SCAPER: variants seen among roughly 807,000 people sequenced by gnomAD.
SCAPER encodes S phase cyclin A-associated protein in the endoplasmic reticulum.
In SCAPER, 98 loss-of-function variants were observed where a neutral mutation model predicts 182.2. The observed-to-expected ratio is 0.54, with a 90% confidence interval of 0.46 to 0.64. The LOEUF (loss-of-function observed/expected upper bound fraction) is 0.64, where lower values mean the gene tolerates loss of function less well. SCAPER is among the 30% of genes least tolerant of loss of function. The probability of loss-of-function intolerance (pLI) is 0.00; values close to 1 mark genes in which losing one functional copy is unlikely to be tolerated. For synonymous variants in SCAPER, 605 were observed against 564.6 expected (o/e 1.07, Z -1.01); for missense variants, 1,432 against 1,690.0 (o/e 0.85, Z 2.68).
chr15:76,657,649 A>G (rs1004197042), intron 21 of SCAPER, among the ~76,000 whole-genome samples: 2 of 151,818 alleles, frequency 1.3e-5, no homozygotes, highest in Admixed American at 1.3e-4. Flanking sequence ...TCATGATGAC[A>G]TGCATACAAA....
At chr15:76,552,859 G>A (rs141159846) in intron 23 of SCAPER, among the ~76,000 whole-genome samples, 64 of 152,146 alleles carry the variant, frequency 4.2e-4, no homozygotes, top group African/African-American at 1.3e-3. Context: ...CATAGCGCTC[G>A]CACTACTTGC....
chr15:76,530,091 A>C (rs1013197994), intron 23 of SCAPER, among the ~76,000 whole-genome samples: 24 of 152,176 alleles, frequency 1.6e-4, no homozygotes, highest in African/African-American at 5.8e-4. Flanking sequence ...TTAGGCATTC[A>C]TATTGCTGGA....
At chr15:76,647,724 T>C (rs915947699) in intron 21 of SCAPER, among the ~76,000 whole-genome samples, 1 of 152,222 alleles carries the variant, frequency 6.6e-6, no homozygotes, top group Non-Finnish European at 1.5e-5. Context: ...ATCCAGGAAC[T>C]GTAAGCTGAA....
intron 27 of SCAPER, among the ~76,000 whole-genome samples, chr15:76,402,611 G>T (rs1422547475): frequency 6.6e-6 from 1 of 152,014 alleles, no homozygotes; most frequent in Non-Finnish European, 1.5e-5. Context: ...TAGACTCTTG[G>T]CTCCCTGAGG....
At chr15:76,809,190 A>T (rs143667481) in intron 5 of SCAPER, among the ~76,000 whole-genome samples, 1,662 of 152,314 alleles carry the variant, frequency 0.011, 17 homozygotes, top group Middle Eastern at 0.041. Context: ...CAGTTGCCTC[A>T]CCTAATGCAC....
intron 20 of SCAPER, 69 bp from the exon 21 acceptor site, chr15:76,665,858 G>T: frequency 2.3e-6 from 3 of 1,279,854 alleles, no homozygotes; most frequent in South Asian, 1.7e-5. Context: ...GATTGCTATA[G>T]ACTACAGTGA....
At chr15:76,746,924 T>C (rs144677825) in intron 15 of SCAPER, among the ~76,000 whole-genome samples, 1 of 152,332 alleles carries the variant, frequency 6.6e-6, no homozygotes, top group Non-Finnish European at 1.5e-5. Flanking sequence ...ATTGTTAAGA[T>C]GGTAATACTA....
chr15:76,492,868 GTTT>G (rs1185376117), intron 24 of SCAPER, among the ~76,000 whole-genome samples: 1 of 121,672 alleles, frequency 8.2e-6, no homozygotes. Context: ...ATCTGAGAGT[GTTT>G]TTTTTTTTTT....
chr15:76,604,375 T>C (rs1339559124), intron 22 of SCAPER, among the ~76,000 whole-genome samples: 3 of 120,244 alleles, frequency 2.5e-5, no homozygotes, highest in Admixed American at 9.5e-5. Context: ...TTCTGTTCCA[T>C]TGGTCTATAT....
intron 15 of SCAPER, among the ~76,000 whole-genome samples, chr15:76,745,293 A>T (rs1452529053): frequency 6.6e-6 from 1 of 151,952 alleles, no homozygotes; most frequent in Non-Finnish European, 1.5e-5. Context: ...ATAAAAAAAT[A>T]AAAAAATTAG....
At chr15:76,721,301 C>T (rs2060225553) in intron 17 of SCAPER, among the ~76,000 whole-genome samples, 3 of 152,018 alleles carry the variant, frequency 2.0e-5, no homozygotes, top group Non-Finnish European at 4.4e-5. Flanking sequence ...GTTTTGGTAC[C>T]AGTACCATGC....
rs55912416 is a variant in SCAPER at position 76,357,150 on chromosome 15, T to TCACACACACACACACACACACACA, written c.3856-3034_3856-3011dup. Among the ~76,000 whole-genome samples, 291 of 128,934 alleles carry TCACACACACACACACACACACACA rather than the reference T, an allele frequency of 2.3e-3. 5 individuals are homozygous for TCACACACACACACACACACACACA. Among genetic ancestry groups the TCACACACACACACACACACACACA allele is most frequent in the Admixed American group, 6.5e-3 (77 of 11,868 alleles). The allele number at this position is 128,934 out of a possible 152,430, so 84.6% of individuals were successfully genotyped here. On this transcript the variant is annotated intron_variant, in intron 29 of 31. Transcript: ENST00000563290. ...AAAAGAAGTAACCTTTTTATTGACA[T>TCACACACACACACACACACACACA]CACACACACACACACACACACACAC...
intron 26 of SCAPER, among the ~76,000 whole-genome samples, chr15:76,424,484 C>T (rs1376800461): frequency 7.2e-5 from 11 of 152,132 alleles, no homozygotes; most frequent in Non-Finnish European, 1.0e-4. Flanking sequence ...GACTTCCCTC[C>T]ATCCCTTTAT....
intron 6 of SCAPER, 118 bp downstream of exon 6, chr15:76,804,415 C>G (rs2065996927): frequency 8.3e-6 from 5 of 602,268 alleles, no homozygotes; most frequent in Middle Eastern, 5.2e-4. Flanking sequence ...AATGCAGCAC[C>G]TGACTTTTAG....
chr15:76,365,374 C>A (rs1332731879), intron 29 of SCAPER, among the ~76,000 whole-genome samples: 1 of 152,208 alleles, frequency 6.6e-6, no homozygotes, highest in Admixed American at 6.5e-5. Context: ...GTTAGGGCCT[C>A]TTTTTCCTTC....
intron 18 of SCAPER, 26 bp downstream of exon 18, chr15:76,705,877 A>T (rs1348657102): frequency 1.3e-6 from 2 of 1,491,410 alleles, no homozygotes; most frequent in East Asian, 2.5e-5. Context: ...CTAAAATTTC[A>T]AATTAAAAAT....
At chr15:76,894,021 C>G (rs2074295300) in intron 1 of SCAPER, among the ~76,000 whole-genome samples, 1 of 152,100 alleles carries the variant, frequency 6.6e-6, no homozygotes, top group Non-Finnish European at 1.5e-5. Flanking sequence ...GAGGCCGAGG[C>G]GGGCGGATCA....
intron 6 of SCAPER, among the ~76,000 whole-genome samples, chr15:76,803,913 T>C (rs980502910): frequency 6.6e-6 from 1 of 152,154 alleles, no homozygotes; most frequent in African/African-American, 2.4e-5. Context: ...GTCACAGAGC[T>C]TGGCACACAG....
chr15:76,775,361 A>G (rs2063686985), intron 8 of SCAPER, among the ~76,000 whole-genome samples: 1 of 152,176 alleles, frequency 6.6e-6, no homozygotes, highest in Non-Finnish European at 1.5e-5. Context: ...GCCAGTGAGT[A>G]ATAATAAATA....
Sources: gnomAD v4.1 joint callset for allele counts (sites outside exome capture counted in the v4.1 genomes callset) on GRCh38, gnomAD v4.1.1 for gene constraint, MANE v1.5 for transcripts, NCBI Gene and HGNC (gene_info 2026-07-23, HGNC 2026-07-21) for gene names.